The following EPHA3 variants were observed in gnomAD, a reference collection of about 807,000 sequenced individuals.
EPHA3 encodes ephrin type-A receptor 3.
Under a neutral mutation model 107.1 loss-of-function variants are expected in EPHA3, and 42 were observed. The ratio of observed to expected loss-of-function variants is 0.39; its 90% confidence interval spans 0.31 to 0.51. The LOEUF (loss-of-function observed/expected upper bound fraction) is 0.51, where lower values mean the gene tolerates loss of function less well. EPHA3 is among the 20% of genes least tolerant of loss of function. The probability of loss-of-function intolerance (pLI) is 0.78; values close to 1 mark genes in which losing one functional copy is unlikely to be tolerated. For missense variants in EPHA3, 1,183 were observed against 1,211.2 expected, an observed-to-expected ratio of 0.98 and a Z score of 0.35; for synonymous variants, 461 against 424.8, an observed-to-expected ratio of 1.09 and a Z score of -1.05.
At chr3:89,129,169 C>T (rs1389982862) in intron 2 of EPHA3, among the ~76,000 whole-genome samples, 1 of 152,158 alleles carries the variant, frequency 6.6e-6, no homozygotes, top group African/African-American at 2.4e-5. Context: ...CATCTCTGGC[C>T]CAATTTACTG....
At chr3:89,145,322 G>A (rs1472516464) in intron 2 of EPHA3, among the ~76,000 whole-genome samples, 1 of 151,302 alleles carries the variant, frequency 6.6e-6, no homozygotes, top group Non-Finnish European at 1.5e-5. Flanking sequence ...CCTTTATATA[G>A]AGATTCTTCA....
intron 3 of EPHA3, among the ~76,000 whole-genome samples, chr3:89,293,291 C>T (rs1284554486): frequency 6.6e-6 from 1 of 151,768 alleles, no homozygotes; most frequent in Non-Finnish European, 1.5e-5. Context: ...TACTTTTTTC[C>T]CAGTCTGTAT....
chr3:89,409,202 A>C (rs982310933), intron 9 of EPHA3, among the ~76,000 whole-genome samples: 2 of 152,124 alleles, frequency 1.3e-5, no homozygotes, highest in African/African-American at 2.4e-5. Context: ...AAAGTACTAC[A>C]TTCCTAAAAT....
rs552439434 is a variant in EPHA3, at chr3:89,235,539, G to A, written c.814+25019G>A. Reference sequence around the variant, plus strand: ...TTGCCTTTCATTTCTTCATATGCATGTAAGAGTGATGTTATTAAATGCCAT... The same window carrying A: ...TTGCCTTTCATTTCTTCATATGCATATAAGAGTGATGTTATTAAATGCCAT... On this transcript the variant is annotated intron_variant, in intron 3 of 16. Transcript: ENST00000336596. Among the ~76,000 whole-genome samples the A allele has an allele frequency of 5.3e-5, 8 of 151,984 alleles. No individual in the cohort carries two copies. The East Asian group carries it at 1.5e-3, about 29-fold the overall frequency.
chr3:89,170,701 A>G (rs1705192791), intron 2 of EPHA3, among the ~76,000 whole-genome samples: 2 of 152,190 alleles, frequency 1.3e-5, no homozygotes, highest in Admixed American at 1.3e-4. Flanking sequence ...TATAAAAATG[A>G]TACGTTTCTA....
chr3:89,216,417 CT>C (rs1008591739), intron 3 of EPHA3, among the ~76,000 whole-genome samples: 1 of 150,808 alleles, frequency 6.6e-6, no homozygotes, highest in South Asian at 2.1e-4. Flanking sequence ...ATCTAAACTT[CT>C]TTTTTCTGTG....
At chr3:89,245,605 T>C (rs962040837) in intron 3 of EPHA3, among the ~76,000 whole-genome samples, 6 of 152,232 alleles carry the variant, frequency 3.9e-5, no homozygotes, top group African/African-American at 1.4e-4. Flanking sequence ...TAGAAATCTG[T>C]TGGACTCCCA....
intron 11 of EPHA3, among the ~76,000 whole-genome samples, chr3:89,425,842 A>G (rs1308858991): frequency 1.3e-5 from 2 of 151,546 alleles, no homozygotes; most frequent in African/African-American, 2.4e-5. Context: ...TTTGAATCAT[A>G]TTTCTTCTGT....
intron 10 of EPHA3, among the ~76,000 whole-genome samples, chr3:89,415,158 G>A (rs1469538737): frequency 7.3e-5 from 11 of 151,230 alleles, no homozygotes; most frequent in African/African-American, 2.2e-4. Flanking sequence ...ATTCCTAAAA[G>A]CTAACAATTT....
At chr3:89,145,914 G>A (rs1463144638) in intron 2 of EPHA3, among the ~76,000 whole-genome samples, 4 of 151,438 alleles carry the variant, frequency 2.6e-5, no homozygotes, top group African/African-American at 9.7e-5. Context: ...AGTTAAAAAA[G>A]AAAAATTAAC....
chr3:89,363,926 A>T (rs770829846), intron 5 of EPHA3, among the ~76,000 whole-genome samples: 12 of 150,486 alleles, frequency 8.0e-5, no homozygotes, highest in Non-Finnish European at 1.0e-4. Flanking sequence ...CCCTATTCCT[A>T]TCTCAAATAT....
intron 5 of EPHA3, among the ~76,000 whole-genome samples, chr3:89,373,870 G>A (rs749028107): frequency 2.4e-4 from 37 of 151,726 alleles, no homozygotes; most frequent in Non-Finnish European, 4.4e-4. Flanking sequence ...GGATAAGGTC[G>A]ATGTCATTAC....
chr3:89,410,550 C>T (rs1331523169), intron 9 of EPHA3, among the ~76,000 whole-genome samples: 1 of 151,872 alleles, frequency 6.6e-6, no homozygotes, highest in African/African-American at 2.4e-5. Flanking sequence ...TTACCTTATG[C>T]TTAAAGTATC....
At chr3:89,155,095 T>C (rs555815163) in intron 2 of EPHA3, among the ~76,000 whole-genome samples, 10 of 151,664 alleles carry the variant, frequency 6.6e-5, no homozygotes, top group African/African-American at 2.4e-4. Context: ...ACATTAAATA[T>C]AGAAAGATGA....
intron 3 of EPHA3, among the ~76,000 whole-genome samples, chr3:89,333,515 C>T (rs924150184): frequency 6.6e-6 from 1 of 152,068 alleles, no homozygotes; most frequent in Non-Finnish European, 1.5e-5. Context: ...ACAAGCATGC[C>T]GTCACTAACT....
At chr3:89,401,618 C>CT (rs979779235) in intron 7 of EPHA3, among the ~76,000 whole-genome samples, 5 of 152,030 alleles carry the variant, frequency 3.3e-5, no homozygotes, top group Non-Finnish European at 5.9e-5. Flanking sequence ...AAATCTCTTT[C>CT]TTTTTTTGTG....
rs1710624520 is a variant in EPHA3, at chr3:89,481,734, T to C, written c.*2232T>C. ...TTACACAATTCTTACCCTGTACATA[T>C]GTAAACATAAGTGTACGATTCTTAA... On this transcript the variant is annotated 3_prime_UTR_variant, in exon 17 of 17. Transcript: ENST00000336596. 8.6e-6 allele frequency: 2 copies of C among 232,076 alleles called. No homozygotes were observed. Among genetic ancestry groups the C allele is most frequent in the African/African-American group, 4.4e-5 (2 of 45,394 alleles). The allele number at this position is 232,076 out of a possible 1,614,324, so 14.4% of individuals were successfully genotyped here.
rs966572797 is a variant in EPHA3 at position 89,351,686 on chromosome 3, C to T, written c.1306+9596C>T. Among the ~76,000 whole-genome samples the T allele has an allele frequency of 9.9e-5, 15 of 151,318 alleles. 4 individuals carry two copies. The Admixed American group carries it at 9.9e-4, about 10-fold the overall frequency. On this transcript the variant is annotated intron_variant, in intron 5 of 16. Coordinates refer to ENST00000336596, the MANE Select transcript of EPHA3 (RefSeq NM_005233.6). ...TGACAATTTCTTAAAAACAATAATG[C>T]TTTTACATAGTCTCAATATATTTAT...
At chr3:89,242,267 T>G (rs1256857145) in intron 3 of EPHA3, among the ~76,000 whole-genome samples, 1 of 152,230 alleles carries the variant, frequency 6.6e-6, no homozygotes, top group Non-Finnish European at 1.5e-5. Context: ...CCATAGACCA[T>G]TTCCATTAAA....
Sources: gnomAD v4.1 joint callset for allele counts (sites outside exome capture counted in the v4.1 genomes callset) on GRCh38, gnomAD v4.1.1 for gene constraint, MANE v1.5 for transcripts, NCBI Gene and HGNC (gene_info 2026-07-23, HGNC 2026-07-21) for gene names.